The following LCP2 variants were observed in gnomAD, a reference collection of about 807,000 sequenced individuals.
LCP2 encodes the protein 76 kDa tyrosine phosphoprotein.
LCP2 carries 29 observed loss-of-function variants against 74.5 expected under a neutral mutation model. The ratio of observed to expected loss-of-function variants is 0.39; its 90% CI spans 0.29 to 0.53. The LOEUF (loss-of-function observed/expected upper bound fraction) is 0.53. LCP2 is among the 20% of genes least tolerant of loss of function. The pLI is 0.72. For synonymous variants in LCP2, 228 were observed against 229.5 expected (o/e 0.99, Z 0.06); for missense variants, 604 against 634.6 (o/e 0.95, Z 0.52).
chr5:170,277,011 G>A (rs1318262509), intron 3 of LCP2, among the ~76,000 whole-genome samples: 1 of 147,628 alleles, frequency 6.8e-6, no homozygotes, highest in Non-Finnish European at 1.5e-5. Flanking sequence ...GGGAGGTGGA[G>A]GTTGCAGTGA....
chr5:170,266,398 G>A (rs929610077), intron 10 of LCP2, among the ~76,000 whole-genome samples: 1 of 152,208 alleles, frequency 6.6e-6, no homozygotes, highest in Non-Finnish European at 1.5e-5. Context: ...GAGCTATTAA[G>A]TAGCAGGCAA....
chr5:170,282,105 A>T (rs1762115335), intron 3 of LCP2, among the ~76,000 whole-genome samples: 1 of 152,194 alleles, frequency 6.6e-6, no homozygotes. Context: ...CTTGGGATCA[A>T]CCATGTCCTG....
chr5:170,278,510 C>G (rs1023636340), intron 3 of LCP2, among the ~76,000 whole-genome samples: 1 of 3,202 alleles, frequency 3.1e-4, no homozygotes, highest in African/African-American at 1.4e-3. Flanking sequence ...GGGTGGGGGG[C>G]TGGGGGGGAT....
intron 1 of LCP2, among the ~76,000 whole-genome samples, chr5:170,295,939 C>T (rs1762373613): frequency 6.6e-6 from 1 of 152,184 alleles, no homozygotes; most frequent in African/African-American, 2.4e-5. Context: ...CTGTACCATC[C>T]CTGACCCGTG....
At chr5:170,254,853 T>G (rs1761521784) in intron 17 of LCP2, among the ~76,000 whole-genome samples, 1 of 152,214 alleles carries the variant, frequency 6.6e-6, no homozygotes, top group African/African-American at 2.4e-5. Context: ...GACAGGTTTT[T>G]GGGCAATGCA....
At chr5:170,260,604 G>A (rs1317909125) in intron 14 of LCP2, among the ~76,000 whole-genome samples, 1 of 152,224 alleles carries the variant, frequency 6.6e-6, no homozygotes, top group African/African-American at 2.4e-5. Flanking sequence ...TAGTTCTTGG[G>A]ACAGGGGACT....
At chr5:170,257,913 C>A (rs1761584578) in intron 16 of LCP2, 124 bp downstream of exon 16, 1 of 1,071,942 alleles carries the variant, frequency 9.3e-7, no homozygotes, top group Admixed American at 2.0e-5. Flanking sequence ...TCTTAAGACC[C>A]AAAATGTTCA....
At position 170,283,508 on chromosome 5, in the gene LCP2, C is replaced by A. The variant is rs374162591; in HGVS notation, c.188+4462G>T. The stretch of plus-strand genomic sequence containing the variant: ...AGCCCTAGGGGAGGCTCCTAGCTCA[C>A]TGGCAGGATCTTGGTCACCACCAAC... On this transcript the variant is annotated intron_variant, in intron 3 of 20. Coordinates refer to ENST00000046794, the MANE Select transcript of LCP2 (RefSeq NM_005565.5). Among the ~76,000 whole-genome samples the A allele has an allele frequency of 5.3e-5, 8 of 152,338 alleles. No individual in the cohort carries two copies. The East Asian group carries it at 1.2e-3, about 22-fold the overall frequency.
chr5:170,291,255 C>T (rs1309173930), intron 2 of LCP2, among the ~76,000 whole-genome samples: 3 of 127,204 alleles, frequency 2.4e-5, no homozygotes, highest in Non-Finnish European at 4.9e-5. Flanking sequence ...GGAAAAATAA[C>T]TAGGGCCTTT....
chr5:170,275,487 C>T, intron 4 of LCP2, 136 bp from the exon 5 acceptor site: 1 of 994,346 alleles, frequency 1.0e-6, no homozygotes, highest in Non-Finnish European at 1.5e-6. Context: ...TGTATCCTTG[C>T]TGCTCAGCAA....
chr5:170,292,003 T>A (rs1762302460), intron 2 of LCP2, among the ~76,000 whole-genome samples: 1 of 152,236 alleles, frequency 6.6e-6, no homozygotes, highest in Non-Finnish European at 1.5e-5. Context: ...TTAGTAGGTA[T>A]GTGACATAGA....
intron 2 of LCP2, among the ~76,000 whole-genome samples, chr5:170,289,625 C>CTT (rs1167030468): frequency 2.6e-4 from 24 of 92,868 alleles, no homozygotes; most frequent in South Asian, 7.7e-4. Context: ...CTTTTTCTTT[C>CTT]TTTCTTTCTT....
intron 13 of LCP2, 90 bp downstream of exon 13, chr5:170,262,545 G>A: frequency 1.1e-6 from 1 of 919,220 alleles, no homozygotes; most frequent in South Asian, 1.6e-5. Flanking sequence ...GGAGCACCGA[G>A]GAGCCTCGGT....
At chr5:170,260,989 G>C (rs1046678983) in intron 14 of LCP2, 118 bp downstream of exon 14, 1 of 744,424 alleles carries the variant, frequency 1.3e-6, no homozygotes. Flanking sequence ...AGACCCCTGG[G>C]TGCAGGACCT....
intron 3 of LCP2, among the ~76,000 whole-genome samples, chr5:170,283,878 T>G (rs1009001985): frequency 6.6e-6 from 1 of 152,216 alleles, no homozygotes; most frequent in African/African-American, 2.4e-5. Context: ...CTTCCTCCCT[T>G]GTCTGCCCTG....
chr5:170,269,152 T>C (rs1309755919), intron 7 of LCP2, among the ~76,000 whole-genome samples: 1 of 152,202 alleles, frequency 6.6e-6, no homozygotes, highest in Non-Finnish European at 1.5e-5. Context: ...GACCACAGAC[T>C]CTTAAGTGGA....
chr5:170,286,057 A>G (rs315719), intron 3 of LCP2, among the ~76,000 whole-genome samples: 2,009 of 152,122 alleles, frequency 0.013, 51 homozygotes, highest in African/African-American at 0.045. Context: ...TCTTTCATAT[A>G]TTTTGCCTGG....
chr5:170,283,544 C>T lies in LCP2; in HGVS notation c.188+4426G>A, dbSNP rs1762137695. On this transcript the variant is annotated intron_variant, in intron 3 of 20. Transcript: ENST00000046794. ...TTGGTCACCACCAACTAACTCAGTC[C>T]CATGTCCCCAGCTGGGCTGTCCTCC... Among the ~76,000 whole-genome samples, 3 of 152,310 alleles carry T rather than the reference C, an allele frequency of 2.0e-5. No individual in the cohort carries two copies. The South Asian group carries it at 6.2e-4, about 32-fold the overall frequency.
chr5:170,272,103 A>G (rs1190546780), intron 6 of LCP2, among the ~76,000 whole-genome samples: 1 of 152,182 alleles, frequency 6.6e-6, no homozygotes, highest in Non-Finnish European at 1.5e-5. Flanking sequence ...CTCAGCATGG[A>G]GGTCCGCAGG....
Sources: allele counts gnomAD v4.1 joint callset (sites outside exome capture counted in the v4.1 genomes callset), GRCh38; gene constraint gnomAD v4.1.1; transcripts MANE v1.5; gene names NCBI Gene and HGNC (gene_info 2026-07-23, HGNC 2026-07-21).